The following INPP4B variants were observed in gnomAD, a reference collection of about 807,000 sequenced individuals.
INPP4B encodes the protein inositol polyphosphate 4-phosphatase type II.
INPP4B carries 55 observed loss-of-function variants against 122.5 expected under a neutral mutation model. The observed-to-expected ratio is 0.45, with a 90% CI of 0.36 to 0.56. INPP4B has a LOEUF of 0.56. Ranked by LOEUF, INPP4B falls within the 20% of genes least tolerant of loss-of-function variation. The pLI, the probability that INPP4B is intolerant of heterozygous loss-of-function variation, is 0.00. For missense variants in INPP4B, 1,000 were observed against 1,097.7 expected (o/e 0.91, Z 1.26); for synonymous variants, 403 against 388.7 (o/e 1.04, Z -0.43).
chr4:142,296,685 A>T (rs1198259094), intron 9 of INPP4B, among the ~76,000 whole-genome samples: 1 of 152,238 alleles, frequency 6.6e-6, no homozygotes, highest in African/African-American at 2.4e-5. Context: ...CCATACTGAC[A>T]GGCAACAGAA....
chr4:142,828,118 A>T (rs551286816), intron 1 of INPP4B, among the ~76,000 whole-genome samples: 2 of 152,282 alleles, frequency 1.3e-5, no homozygotes, highest in African/African-American at 4.8e-5. Flanking sequence ...TAACATATAC[A>T]ATGCTGAGCT....
chr4:142,845,958 G>C (rs1456766191), intron 1 of INPP4B, among the ~76,000 whole-genome samples: 1 of 152,022 alleles, frequency 6.6e-6, no homozygotes, highest in Non-Finnish European at 1.5e-5. Flanking sequence ...CGGCGAGAGG[G>C]TAGGCGCGGT....
intron 15 of INPP4B, among the ~76,000 whole-genome samples, chr4:142,176,651 T>C (rs1024802369): frequency 3.9e-5 from 6 of 152,132 alleles, no homozygotes; most frequent in African/African-American, 1.4e-4. Context: ...TAAGATTTCC[T>C]TGGGGATGAG....
chr4:142,622,825 A>G (rs1745262509), intron 2 of INPP4B, among the ~76,000 whole-genome samples: 1 of 152,020 alleles, frequency 6.6e-6, no homozygotes, highest in African/African-American at 2.4e-5. Flanking sequence ...TGTACTACAG[A>G]AATTTTTTGG....
rs979894545 is a variant in INPP4B, at chr4:142,333,773, T to C, written c.373-19011A>G. Among the ~76,000 whole-genome samples the C allele has an allele frequency of 3.9e-5, 6 of 152,320 alleles. No homozygotes were observed. In the East Asian group the frequency reaches 5.8e-4, roughly 15 times the overall value. On this transcript the variant is annotated intron_variant, in intron 7 of 25. Transcript: ENST00000262992. Reference sequence around the variant, plus strand: ...GACAATAAAAATTAAATACAGTTACTGTGCACAACTTGAGGTTTTGATGTA... The same window carrying C: ...GACAATAAAAATTAAATACAGTTACCGTGCACAACTTGAGGTTTTGATGTA...
intron 1 of INPP4B, among the ~76,000 whole-genome samples, chr4:142,820,588 C>A (rs891501778): frequency 2.6e-5 from 4 of 152,076 alleles, no homozygotes; most frequent in Admixed American, 6.6e-5. Flanking sequence ...TGGACTAAGA[C>A]AAAATCCTTC....
chr4:142,798,815 C>T (rs1441822048), intron 1 of INPP4B, among the ~76,000 whole-genome samples: 7 of 150,356 alleles, frequency 4.7e-5, no homozygotes, highest in Admixed American at 2.0e-4. Context: ...AGTACATATA[C>T]AGTATACAAT....
At chr4:142,049,962 A>G (rs978147188) in intron 25 of INPP4B, among the ~76,000 whole-genome samples, 44 of 152,012 alleles carry the variant, frequency 2.9e-4, no homozygotes, top group African/African-American at 1.0e-3. Flanking sequence ...CAGACACCAT[A>G]TCTCATTACT....
intron 3 of INPP4B, among the ~76,000 whole-genome samples, chr4:142,443,056 G>A (rs970910168): frequency 2.0e-5 from 3 of 152,096 alleles, no homozygotes; most frequent in African/African-American, 7.2e-5. Context: ...ACCTGGCTCT[G>A]CCCTTGACAC....
rs1045937941 is a variant in INPP4B, at chr4:142,113,976, G to A, written c.2136-1294C>T. Among the ~76,000 whole-genome samples the A allele has an allele frequency of 4.6e-5, 7 of 152,018 alleles. No individual in the cohort carries two copies. In the South Asian group the frequency reaches 1.0e-3, roughly 23 times the overall value. ...ATAGTCAGCTATACTACCACCGCTA[G>A]CCCAGAAAGCCACACATCTATTTTC... is the stretch of plus-strand genomic sequence containing the variant. On this transcript the variant is annotated intron_variant, in intron 21 of 25. Transcript: ENST00000262992.
intron 2 of INPP4B, among the ~76,000 whole-genome samples, chr4:142,608,546 C>T (rs572394410): frequency 6.6e-6 from 1 of 152,070 alleles, no homozygotes; most frequent in African/African-American, 2.4e-5. Flanking sequence ...TACTGTATTG[C>T]CAATGCCTAG....
Position 142,542,534 on chromosome 4 carries a change from TTTAC to T in INPP4B, c.-190-79812_-190-79809del, listed in dbSNP as rs565923215. Reference sequence around the variant, plus strand: ...TAATCTTTAAATAATCTTTCTTGCTTTTACTTAATTAATACACATGAAGCAATTG... The same window carrying T: ...TAATCTTTAAATAATCTTTCTTGCTTTTAATTAATACACATGAAGCAATTG... On this transcript the variant is annotated intron_variant, in intron 2 of 25. Coordinates refer to ENST00000262992, the MANE Select transcript of INPP4B (RefSeq NM_001101669.3). 1.5e-3 allele frequency among the ~76,000 whole-genome samples: 235 copies of T among 152,310 alleles called. 2 individuals carry two copies. The highest frequency in any genetic ancestry group is 1.4e-3 in the Non-Finnish European group (93 of 68,016).
intron 15 of INPP4B, among the ~76,000 whole-genome samples, chr4:142,188,518 A>AAATATATATATAT (rs1834267141): frequency 9.5e-6 from 1 of 105,096 alleles, no homozygotes; most frequent in African/African-American, 3.3e-5. Context: ...AAAGAAAAAA[A>AAATATATATATAT]ATATATATAG....
At chr4:142,540,464 T>C (rs1355343248) in intron 2 of INPP4B, among the ~76,000 whole-genome samples, 1 of 152,062 alleles carries the variant, frequency 6.6e-6, no homozygotes, top group Non-Finnish European at 1.5e-5. Context: ...TGAGTTAAAA[T>C]ATCTAGCAAT....
intron 1 of INPP4B, among the ~76,000 whole-genome samples, chr4:142,755,869 T>C (rs1248588120): frequency 6.6e-6 from 1 of 152,002 alleles, no homozygotes; most frequent in African/African-American, 2.4e-5. Context: ...TAACAAACAC[T>C]AGTAGTTTCT....
intron 2 of INPP4B, among the ~76,000 whole-genome samples, chr4:142,492,034 T>A (rs1392560010): frequency 6.6e-6 from 1 of 152,144 alleles, no homozygotes; most frequent in Non-Finnish European, 1.5e-5. Flanking sequence ...AACTGAATCA[T>A]GGGAGCAGTT....
chr4:142,517,273 G>A (rs2149898126), intron 2 of INPP4B, among the ~76,000 whole-genome samples: 1 of 152,066 alleles, frequency 6.6e-6, no homozygotes, highest in African/African-American at 2.4e-5. Context: ...AATAGTCATT[G>A]GGTCTATTAA....
chr4:142,809,975 G>A (rs1203821701), intron 1 of INPP4B, among the ~76,000 whole-genome samples: 1 of 152,050 alleles, frequency 6.6e-6, no homozygotes, highest in African/African-American at 2.4e-5. Context: ...TTCAACACCA[G>A]CCTGGCCATC....
intron 22 of INPP4B, among the ~76,000 whole-genome samples, chr4:142,110,969 G>A (rs2152698081): frequency 6.6e-6 from 1 of 152,144 alleles, no homozygotes; most frequent in Middle Eastern, 3.4e-3. Context: ...GTGTACCGAA[G>A]AAGAGGCAAT....
Sources: allele counts gnomAD v4.1 joint callset (sites outside exome capture counted in the v4.1 genomes callset), GRCh38; gene constraint gnomAD v4.1.1; transcripts MANE v1.5; gene names NCBI Gene and HGNC (gene_info 2026-07-23, HGNC 2026-07-21).